The following SHROOM3 variants were observed in gnomAD, a reference collection of about 807,000 sequenced individuals.
The protein encoded by SHROOM3 is protein Shroom3.
In SHROOM3, 47 loss-of-function variants were observed where a neutral mutation model predicts 138.6. That is an observed-to-expected ratio of 0.34 (90% CI 0.27 to 0.43). The LOEUF is 0.43. Ranked by LOEUF, SHROOM3 falls within the 20% of genes least tolerant of loss-of-function variation. The pLI, the probability that SHROOM3 is intolerant of heterozygous loss-of-function variation, is 1.00. For synonymous variants in SHROOM3, 1,062 were observed against 1,063.3 expected, an observed-to-expected ratio of 1.00 and a Z score of 0.02; for missense variants, 2,491 against 2,596.5, an observed-to-expected ratio of 0.96 and a Z score of 0.88.
intron 10 of SHROOM3, 58 bp downstream of exon 10, chr4:76,770,956 G>C: frequency 6.2e-7 from 1 of 1,604,590 alleles, no homozygotes. Context: ...CATACATAGA[G>C]AGGCGCCATT....
intron 1 of SHROOM3, among the ~76,000 whole-genome samples, chr4:76,498,845 C>T (rs1175510739): frequency 6.6e-6 from 1 of 152,092 alleles, no homozygotes; most frequent in African/African-American, 2.4e-5. Context: ...TTGTTGACTT[C>T]ACTGTAACCC....
intron 2 of SHROOM3, among the ~76,000 whole-genome samples, chr4:76,630,523 G>A (rs1280671930): frequency 6.6e-6 from 1 of 152,218 alleles, no homozygotes. Context: ...TGAAGGGAGA[G>A]TCGGAGAGAG....
chr4:76,645,484 G>A (rs1457451239), intron 2 of SHROOM3: 1 of 152,180 alleles, frequency 6.6e-6, no homozygotes, highest in Non-Finnish European at 1.5e-5. Context: ...CCACAGAAAG[G>A]TTGTATCTAC....
chr4:76,758,015 G>T (rs544754919), intron 8 of SHROOM3: 5 of 152,264 alleles, frequency 3.3e-5, no homozygotes, highest in African/African-American at 1.2e-4. Context: ...ATTTTATGGG[G>T]GAGAGAGAAA....
intron 9 of SHROOM3, among the ~76,000 whole-genome samples, chr4:76,766,181 T>C (rs35142533): frequency 0.059 from 9,009 of 152,310 alleles, 295 homozygotes; most frequent in Non-Finnish European, 0.071. Context: ...ACCGGGTTGT[T>C]GCAAGTAGTA....
At chr4:76,469,883 A>G (rs1486144167) in intron 1 of SHROOM3, among the ~76,000 whole-genome samples, 1 of 137,038 alleles carries the variant, frequency 7.3e-6, no homozygotes, top group Non-Finnish European at 1.6e-5. Flanking sequence ...TTTAAGAGAT[A>G]GAGCTTTATA....
chr4:76,729,694 T>G (rs1334772205), intron 3 of SHROOM3, among the ~76,000 whole-genome samples: 3 of 152,224 alleles, frequency 2.0e-5, no homozygotes, highest in Non-Finnish European at 4.4e-5. Flanking sequence ...GACAGCAAGT[T>G]AATAACGAAG....
At chr4:76,555,962 G>A (rs1387646648) in intron 2 of SHROOM3, among the ~76,000 whole-genome samples, 199 bp downstream of exon 2, 1 of 152,124 alleles carries the variant, frequency 6.6e-6, no homozygotes, top group East Asian at 1.9e-4. Flanking sequence ...TTCAGACACT[G>A]CTGTCTTTCA....
rs1350656333 is a variant in SHROOM3, at chr4:76,754,621, C to A, written c.4138C>A (p.Pro1380Thr). Residue 1380 changes from proline (P) to threonine (T), a missense_variant, in exon 7 of 11, where the codon CCC (proline) becomes ACC (threonine). Pro to Thr is a conservative substitution (Grantham distance 38). This residue lies in a region of SHROOM3 where 1,733 missense variants were observed against 1,661.6 expected (regional missense o/e 1.04). Transcript: ENST00000296043. ...DGQTGRQPLP[P>T]YTPAMMHRSN... is the part of the protein sequence containing the mutation. ...TCAGACAGGGCGACAGCCTCTCCCG[C>A]CCTACACCCCTGCCATGATGCACAG... is the stretch of plus-strand genomic sequence containing the variant. 1 of 1,614,182 alleles carries A rather than the reference C, an allele frequency of 6.2e-7. No individual in the cohort carries two copies.
At chr4:76,568,073 T>C (rs1234130746) in intron 2 of SHROOM3, among the ~76,000 whole-genome samples, 1 of 152,158 alleles carries the variant, frequency 6.6e-6, no homozygotes, top group Non-Finnish European at 1.5e-5. Context: ...TGTCTCTCTG[T>C]CACACATACT....
chr4:76,685,746 A>G (rs1446525275), intron 2 of SHROOM3, among the ~76,000 whole-genome samples: 1 of 152,214 alleles, frequency 6.6e-6, no homozygotes, highest in African/African-American at 2.4e-5. Flanking sequence ...TGGGAGGCTG[A>G]CACGGGCAGA....
intron 2 of SHROOM3, among the ~76,000 whole-genome samples, chr4:76,633,832 C>T (rs948021302): frequency 1.2e-4 from 18 of 152,124 alleles, no homozygotes; most frequent in African/African-American, 4.3e-4. Flanking sequence ...CTGGGAGCTC[C>T]AGGCCCCTAG....
chr4:76,759,061 A>G (rs1015608095), intron 8 of SHROOM3, among the ~76,000 whole-genome samples: 6 of 152,194 alleles, frequency 3.9e-5, no homozygotes, highest in Non-Finnish European at 8.8e-5. Flanking sequence ...AGAAGGAAAA[A>G]TTTTGTGTGT....
chr4:76,530,172 G>A (rs35702942), intron 1 of SHROOM3, among the ~76,000 whole-genome samples: 10,739 of 152,146 alleles, frequency 0.071, 426 homozygotes, highest in East Asian at 0.2. Flanking sequence ...TGCTTGCCAC[G>A]CATATGGAAA....
At position 76,740,021 on chromosome 4, in the gene SHROOM3, C is replaced by T. The variant is rs1291445694; in HGVS notation, c.1848C>T (p.Asp616=). ...CTCAGGCCTGGCAAGCGGGTGAAGA[C>T]AAGAGATCTTCCAGGCTCTCAGAGC... is the stretch of plus-strand genomic sequence containing the variant. ...PQAQAWQAGE[D]KRSSRLSEPW... Residue 616 remains aspartate (D), a synonymous_variant, in exon 5 of 11, where the codon GAC becomes GAT. Coordinates refer to ENST00000296043, the MANE Select transcript of SHROOM3 (RefSeq NM_020859.4). The surrounding 1 kb of genome is among the most constrained non-coding windows in gnomAD (Gnocchi z 4.0). 5 of 1,613,964 alleles carry T rather than the reference C, an allele frequency of 3.1e-6. No homozygotes were observed. The East Asian group carries it at 8.9e-5, about 29-fold the overall frequency.
rs1733504042 is a variant in SHROOM3, at chr4:76,557,232, C to CACACACACACACAT, written c.323+1482_323+1483insTACACACACACACA. On this transcript the variant is annotated intron_variant, in intron 2 of 10. Transcript: ENST00000296043. ...ATATGTATATGTTTATGTATACACACACACACACACACACACACACACACA... is the reference window on the plus strand; with the variant it reads ...ATATGTATATGTTTATGTATACACACACACACACACACATACACACACACACACACACACACACA... Among the ~76,000 whole-genome samples, 17 of 147,106 alleles carry CACACACACACACAT rather than the reference C, an allele frequency of 1.2e-4. No homozygotes were observed. In the South Asian group the frequency reaches 3.6e-3, roughly 31 times the overall value.
chr4:76,480,667 T>A lies in SHROOM3; in HGVS notation c.168+44447T>A, dbSNP rs1019015480. ...CATCTACAGAACTCTCCATCCCAAA[T>A]CAACAGAATATACATTCTTCTCGCA... is the stretch of plus-strand genomic sequence containing the variant. On this transcript the variant is annotated intron_variant, in intron 1 of 10. Coordinates refer to ENST00000296043, the MANE Select transcript of SHROOM3 (RefSeq NM_020859.4). Among the ~76,000 whole-genome samples the A allele has an allele frequency of 2.0e-5, 3 of 152,140 alleles. No homozygotes were observed. In the East Asian group the frequency reaches 5.8e-4, roughly 29 times the overall value.
chr4:76,616,681 G>A (rs1405349078), intron 2 of SHROOM3, among the ~76,000 whole-genome samples: 1 of 152,182 alleles, frequency 6.6e-6, no homozygotes, highest in Non-Finnish European at 1.5e-5. Flanking sequence ...GGGTAAGTGG[G>A]GAAAGGGAGA....
chr4:76,492,286 T>G (rs1191685729), intron 1 of SHROOM3, among the ~76,000 whole-genome samples: 1 of 152,252 alleles, frequency 6.6e-6, no homozygotes, highest in African/African-American at 2.4e-5. Flanking sequence ...GTGATGGATG[T>G]GCACTAATGA....
Sources: allele counts gnomAD v4.1 joint callset (sites outside exome capture counted in the v4.1 genomes callset), GRCh38; gene constraint gnomAD v4.1.1; regional missense constraint gnomAD v4.1.1; non-coding constraint Gnocchi (gnomAD v3.1); transcripts MANE v1.5; gene names NCBI Gene and HGNC (gene_info 2026-07-23, HGNC 2026-07-21).